The following RASSF3 variants were observed in gnomAD, a reference collection of about 807,000 sequenced individuals.
RASSF3 encodes the protein ras association domain-containing protein 3.
A neutral mutation model predicts 19.9 loss-of-function variants in RASSF3; 19 were observed. The ratio of observed to expected loss-of-function variants is 0.96; its 90% CI spans 0.67 to 1.40. The LOEUF is 1.40. Ranked by LOEUF, RASSF3 falls within the 40% of genes most tolerant of loss-of-function variation. The probability of loss-of-function intolerance (pLI) is 0.00; values close to 1 mark genes in which losing one functional copy is unlikely to be tolerated. For synonymous variants in RASSF3, 110 were observed against 104.2 expected (o/e 1.06, Z -0.34); for missense variants, 306 against 289.8 (o/e 1.06, Z -0.41).
At chr12:64,621,774 G>A (rs932390085) in intron 1 of RASSF3, among the ~76,000 whole-genome samples, 1 of 151,908 alleles carries the variant, frequency 6.6e-6, no homozygotes, top group Admixed American at 6.6e-5. Flanking sequence ...GCCCGGCCCA[G>A]GCATTTTGAA....
intron 1 of RASSF3, among the ~76,000 whole-genome samples, chr12:64,511,704 G>T (rs1251008126): frequency 6.6e-6 from 1 of 152,064 alleles, no homozygotes; most frequent in Non-Finnish European, 1.5e-5. Flanking sequence ...CATTACTAAT[G>T]CCCAATCAAA....
intron 2 of RASSF3, among the ~76,000 whole-genome samples, chr12:64,567,870 C>T (rs1869455655): frequency 6.6e-6 from 1 of 152,214 alleles, no homozygotes; most frequent in African/African-American, 2.4e-5. Flanking sequence ...ATGGGAGACA[C>T]AGCCTTTCCA....
Position 64,696,721 on chromosome 12 carries a change from A to T in RASSF3, c.*1809A>T, listed in dbSNP as rs897224803. On this transcript the variant is annotated 3_prime_UTR_variant, in exon 5 of 5. Transcript: ENST00000542104. ...TGCCACACAATTTACTGAGACAATC[A>T]TATCTTCCTAAGCATTTAAGGAAAG... The T allele has an allele frequency of 6.6e-6, 1 of 152,206 alleles. No homozygotes were observed. Among genetic ancestry groups the T allele is most frequent in the Admixed American group, 6.5e-5 (1 of 15,288 alleles). 9.4% of individuals were successfully genotyped at this position (152,206 alleles called of 1,614,324 possible). A position where few individuals can be genotyped will look rare whatever the true frequency, so the allele number is the denominator to read the frequency against.
intron 2 of RASSF3, among the ~76,000 whole-genome samples, chr12:64,581,528 G>A (rs957301013): frequency 6.6e-5 from 10 of 152,260 alleles, no homozygotes; most frequent in Non-Finnish European, 1.2e-4. Context: ...GGGCAACATG[G>A]TGAAACCCCG....
chr12:64,660,585 A>G (rs1872321657), intron 1 of RASSF3, among the ~76,000 whole-genome samples: 1 of 152,212 alleles, frequency 6.6e-6, no homozygotes, highest in Admixed American at 6.5e-5. Context: ...GAAGGTCACA[A>G]AATCTTTCTT....
At chr12:64,580,491 G>C (rs958118237) in intron 2 of RASSF3, among the ~76,000 whole-genome samples, 1 of 151,734 alleles carries the variant, frequency 6.6e-6, no homozygotes, top group Non-Finnish European at 1.5e-5. Flanking sequence ...TTGAGTCCAG[G>C]AGATCGAGGC....
chr12:64,527,338 A>T (rs1868609597), intron 1 of RASSF3, among the ~76,000 whole-genome samples: 2 of 152,202 alleles, frequency 1.3e-5, no homozygotes, highest in Non-Finnish European at 2.9e-5. Context: ...CCTCTTCCAT[A>T]AAAAACAGAA....
At chr12:64,602,425 A>G (rs1870108778) in intron 2 of RASSF3, among the ~76,000 whole-genome samples, 1 of 151,080 alleles carries the variant, frequency 6.6e-6, no homozygotes, top group South Asian at 2.1e-4. Flanking sequence ...CTAAAATACA[A>G]AAAAAATTAG....
intron 1 of RASSF3, among the ~76,000 whole-genome samples, chr12:64,524,947 A>G (rs1034204205): frequency 1.3e-5 from 2 of 152,066 alleles, no homozygotes; most frequent in African/African-American, 4.8e-5. Flanking sequence ...ATTTTCTTTC[A>G]TTTGCTCATC....
At chr12:64,638,750 T>G (rs1244162682) in intron 1 of RASSF3, among the ~76,000 whole-genome samples, 1 of 152,134 alleles carries the variant, frequency 6.6e-6, no homozygotes. Context: ...ACTTTATACT[T>G]TTATTAAGGA....
At chr12:64,610,458 C>G (rs1235119930), upstream of RASSF3, 1 of 220,776 alleles carries the variant, frequency 4.5e-6, no homozygotes, top group Non-Finnish European at 8.7e-6. Context: ...GCGCCTGGAG[C>G]CTGGCGGGGA....
chr12:64,690,227 G>T (rs548007208), intron 3 of RASSF3, among the ~76,000 whole-genome samples: 3 of 151,044 alleles, frequency 2.0e-5, no homozygotes, highest in Non-Finnish European at 4.4e-5. Flanking sequence ...TGTTGCCCAG[G>T]CTGGTGTGCA....
chr12:64,675,948 G>GA (rs1386079488), intron 1 of RASSF3, among the ~76,000 whole-genome samples: 1 of 151,786 alleles, frequency 6.6e-6, no homozygotes, highest in African/African-American at 2.4e-5. Context: ...CTGGCAGGGG[G>GA]AAAAAAATCC....
chr12:64,615,365 A>C (rs1247762245), intron 1 of RASSF3, among the ~76,000 whole-genome samples: 1 of 152,220 alleles, frequency 6.6e-6, no homozygotes, highest in Non-Finnish European at 1.5e-5. Context: ...AGGGTAGTCA[A>C]GAAGTCTTGA....
intron 1 of RASSF3, among the ~76,000 whole-genome samples, chr12:64,526,520 A>C (rs1475854823): frequency 6.7e-6 from 1 of 149,644 alleles, no homozygotes; most frequent in Non-Finnish European, 1.5e-5. Flanking sequence ...TGTGAGTACA[A>C]AACTTTTTAA....
downstream of RASSF3, among the ~76,000 whole-genome samples, chr12:64,544,418 G>C (rs1017763548): frequency 6.6e-6 from 1 of 152,124 alleles, no homozygotes; most frequent in South Asian, 2.1e-4. Context: ...AATACTCACC[G>C]GGAGGGTCCG....
intron 1 of RASSF3, among the ~76,000 whole-genome samples, chr12:64,538,839 T>G (rs976279894): frequency 2.0e-5 from 3 of 151,778 alleles, no homozygotes; most frequent in Non-Finnish European, 4.4e-5. Flanking sequence ...AAGTCAGGAG[T>G]TTGAGACCAG....
At chr12:64,517,621 CTTT>C (rs58706283) in intron 1 of RASSF3, among the ~76,000 whole-genome samples, 53 of 143,926 alleles carry the variant, frequency 3.7e-4, no homozygotes, top group Admixed American at 3.5e-4. Flanking sequence ...TACACACACA[CTTT>C]TTTTTTTTTT....
At chr12:64,682,935 A>G (rs1180238711) in intron 1 of RASSF3, among the ~76,000 whole-genome samples, 2 of 152,198 alleles carry the variant, frequency 1.3e-5, no homozygotes, top group Non-Finnish European at 2.9e-5. Context: ...ATGTTTACCC[A>G]CACCAGACCT....
Sources: gnomAD v4.1 joint callset for allele counts (sites outside exome capture counted in the v4.1 genomes callset) on GRCh38, gnomAD v4.1.1 for gene constraint, MANE v1.5 for transcripts, NCBI Gene and HGNC (gene_info 2026-07-23, HGNC 2026-07-21) for gene names.